Variants in USH2A observed in about 807,000 individuals in gnomAD.
The protein encoded by USH2A is usherin.
USH2A carries 443 observed loss-of-function variants against 538.9 expected under a neutral mutation model. That is an observed-to-expected ratio of 0.82 (90% CI 0.76 to 0.89). The LOEUF is 0.89. USH2A is among the 40% of genes least tolerant of loss of function. The pLI is 0.00. For missense variants in USH2A, 6,633 were observed against 6,324.8 expected (o/e 1.05, Z -1.65); for synonymous variants, 2,413 against 2,273.5 (o/e 1.06, Z -1.75).
chr1:215,641,373 T>C (rs1001761928), intron 67 of USH2A, among the ~76,000 whole-genome samples: 1 of 152,180 alleles, frequency 6.6e-6, no homozygotes, highest in Admixed American at 6.5e-5. Flanking sequence ...AATCAATCAA[T>C]AGCATAGTAC....
At chr1:216,089,211 T>C (rs1048586217) in intron 22 of USH2A, 72 bp from the exon 23 acceptor site, 5 of 1,481,894 alleles carry the variant, frequency 3.4e-6, no homozygotes, top group African/African-American at 2.8e-5. Flanking sequence ...ATATTTGTTA[T>C]AAACCAATTT....
At chr1:216,000,591 C>G (rs1268747738) in intron 32 of USH2A, 29 bp from the exon 33 acceptor site, 1 of 1,612,498 alleles carries the variant, frequency 6.2e-7, no homozygotes, top group Non-Finnish European at 8.5e-7. Flanking sequence ...CAAGAATTTA[C>G]TCAGCATTAT....
intron 4 of USH2A, 50 bp downstream of exon 4, chr1:216,364,903 G>A (rs1318834283): frequency 6.2e-7 from 1 of 1,607,694 alleles, no homozygotes; most frequent in Non-Finnish European, 8.5e-7. Context: ...GCATTTTTAA[G>A]AACAATGTAA....
intron 62 of USH2A, among the ~76,000 whole-genome samples, chr1:215,678,482 C>T (rs942640043): frequency 6.6e-6 from 1 of 152,192 alleles, no homozygotes; most frequent in African/African-American, 2.4e-5. Flanking sequence ...GCCCCCATAT[C>T]CTCACATGAC....
intron 40 of USH2A, among the ~76,000 whole-genome samples, chr1:215,897,337 C>T (rs764490116): frequency 1.2e-4 from 18 of 152,112 alleles, no homozygotes; most frequent in East Asian, 1.9e-4. Context: ...AATGTGGGCA[C>T]GAGGCGACTT....
Position 215,900,103 on chromosome 1 carries a change from A to G in USH2A, c.7566T>C (p.Ser2522=). Reference sequence around the variant, plus strand: ...CCTCTGCGGTCATGAATGGAATCCAAGAACTATGTGCACTGCCAAATCCAT... The same window carrying G: ...CCTCTGCGGTCATGAATGGAATCCAGGAACTATGTGCACTGCCAAATCCAT... The part of the protein sequence containing the change: ...ASNGFGSAHS[S]WIPFMTAEDK... The change falls in exon 40 of 72, where the codon TCT becomes TCC. Residue 2522 remains serine (S), a synonymous_variant. Coordinates refer to ENST00000307340, the MANE Select transcript of USH2A (RefSeq NM_206933.4). The G allele has an allele frequency of 6.2e-7, 1 of 1,613,804 alleles. No homozygotes were observed.
intron 60 of USH2A, among the ~76,000 whole-genome samples, chr1:215,732,544 C>CTTTTTTTTTTTTTTTTTTTTTTTTTTT (rs141549439): frequency 1.4e-5 from 1 of 73,586 alleles, no homozygotes. Flanking sequence ...TTTTTTCTTT[C>CTTTTTTTTTTTTTTTTTTTTTTTTTTT]TTTTTTTTTT....
intron 45 of USH2A, among the ~76,000 whole-genome samples, 189 bp from the exon 46 acceptor site, chr1:215,844,685 A>C (rs1462607844): frequency 6.6e-6 from 1 of 152,216 alleles, no homozygotes; most frequent in Non-Finnish European, 1.5e-5. Context: ...AACCATAAGA[A>C]TTGGTGGTAA....
rs530088731 is a variant in USH2A at position 216,075,313 on chromosome 1, G to A, written c.5573-2013C>T. ...CAAAGAGTTCAGTTAAGGTTGTCCC[G>A]TGCTTTCAACTCTGTACCACCAGAA... On this transcript the variant is annotated intron_variant, in intron 27 of 71. Transcript: ENST00000307340. Among the ~76,000 whole-genome samples the A allele has an allele frequency of 5.3e-5, 8 of 152,256 alleles. No individual in the cohort carries two copies. The South Asian group carries it at 8.3e-4, about 16-fold the overall frequency.
chr1:215,965,386 C>T lies in USH2A; in HGVS notation c.7051G>A (p.Ala2351Thr), dbSNP rs886042178. ...GSRKAHVRWEAPFRPNGLLTH... is the reference protein window; with the variant it reads ...GSRKAHVRWETPFRPNGLLTH... The stretch of plus-strand genomic sequence containing the variant: ...AAGAGTCCATTAGGGCGAAAAGGTG[C>T]TTCCCACCTCACGTGGGCTTTCCGG... Residue 2351 changes from alanine to threonine, a missense_variant, in exon 37 of 72, where the codon GCA becomes ACA. Ala to Thr is a moderately conservative substitution (Grantham distance 58). Transcript: ENST00000307340. 3.7e-6 allele frequency: 6 copies of T among 1,613,774 alleles called. 1 individual carries two copies. The African/African-American group carries it at 5.3e-5, about 14-fold the overall frequency.
At chr1:216,302,007 A>G (rs988837869) in intron 9 of USH2A, among the ~76,000 whole-genome samples, 1 of 152,254 alleles carries the variant, frequency 6.6e-6, no homozygotes, top group African/African-American at 2.4e-5. Flanking sequence ...TAGAGAAATC[A>G]TCTTTATAAA....
In USH2A at chr1:216,336,164, A is replaced by G. The variant is rs79179162; in HGVS notation, c.785-8510T>C. Among the ~76,000 whole-genome samples, 984 of 151,514 alleles carry G rather than the reference A, an allele frequency of 6.5e-3. 20 individuals carry two copies. Among genetic ancestry groups the G allele is most frequent in the Admixed American group, 0.032 (491 of 15,186 alleles). On this transcript the variant is annotated intron_variant, in intron 4 of 71. Coordinates refer to ENST00000307340, the MANE Select transcript of USH2A (RefSeq NM_206933.4). ...AAACTTGGAAAAATAAAGGACAAAA[A>G]CGTCATGATCATCTTAATAGCTACA...
chr1:215,998,385 G>T (rs552727476), intron 34 of USH2A, among the ~76,000 whole-genome samples: 1 of 151,972 alleles, frequency 6.6e-6, no homozygotes, highest in East Asian at 1.9e-4. Context: ...TGTTGATTCT[G>T]GGGTTTTATT....
At chr1:215,946,955 T>A (rs1666773601) in intron 37 of USH2A, among the ~76,000 whole-genome samples, 1 of 151,998 alleles carries the variant, frequency 6.6e-6, no homozygotes, top group Admixed American at 6.6e-5. Context: ...GTAGAAAAAA[T>A]AATGTATTAT....
At chr1:216,296,909 G>A (rs1478060424) in intron 9 of USH2A, among the ~76,000 whole-genome samples, 1 of 151,808 alleles carries the variant, frequency 6.6e-6, no homozygotes. Context: ...AGACAGCTTA[G>A]TTCTATTATT....
At position 215,633,048 on chromosome 1, in the gene USH2A, A is replaced by G. The variant is rs996835327; in HGVS notation, c.15297+1411T>C. Among the ~76,000 whole-genome samples, 3 of 152,198 alleles carry G rather than the reference A, an allele frequency of 2.0e-5. No homozygotes were observed. The East Asian group carries it at 5.8e-4, about 29-fold the overall frequency. ...CTTCTATTTCAGGAGTCAGACAAAC[A>G]TATCTGACTTAGTGTTATGTGGTAA... On this transcript the variant is annotated intron_variant, in intron 70 of 71. Transcript: ENST00000307340.
At chr1:215,979,617 G>C (rs1291762325) in intron 35 of USH2A, among the ~76,000 whole-genome samples, 2 of 152,128 alleles carry the variant, frequency 1.3e-5, no homozygotes, top group Non-Finnish European at 2.9e-5. Context: ...AAGTAGTCGT[G>C]AATGAGGCAG....
intron 13 of USH2A, among the ~76,000 whole-genome samples, chr1:216,242,161 C>T (rs909260597): frequency 4.7e-5 from 7 of 147,660 alleles, no homozygotes; most frequent in Non-Finnish European, 1.0e-4. Context: ...ACCATCCTGG[C>T]TAACACGGTG....
intron 35 of USH2A, among the ~76,000 whole-genome samples, chr1:215,977,971 C>T (rs1455110018): frequency 1.3e-5 from 2 of 151,992 alleles, no homozygotes; most frequent in African/African-American, 2.4e-5. Context: ...ACAAAAAATG[C>T]AAAAAGTTAG....
Sources: allele counts gnomAD v4.1 joint callset (sites outside exome capture counted in the v4.1 genomes callset), GRCh38; gene constraint gnomAD v4.1.1; transcripts MANE v1.5; gene names NCBI Gene and HGNC (gene_info 2026-07-23, HGNC 2026-07-21).